CRISPLD2: variants seen among roughly 807,000 people sequenced by gnomAD.
The protein encoded by CRISPLD2 is cysteine-rich secretory protein LCCL domain-containing 2.
In CRISPLD2, 47 loss-of-function variants were observed where a neutral mutation model predicts 71.1. The ratio of observed to expected loss-of-function variants is 0.66; its 90% confidence interval spans 0.52 to 0.84. The LOEUF (loss-of-function observed/expected upper bound fraction) is 0.84, where lower values mean the gene tolerates loss of function less well. Ranked by LOEUF, CRISPLD2 falls within the 40% of genes least tolerant of loss-of-function variation. CRISPLD2 has a pLI of 0.00. For synonymous variants in CRISPLD2, 317 were observed against 250.1 expected (o/e 1.27, Z -2.52); for missense variants, 830 against 651.1 (o/e 1.27, Z -2.99).
At chr16:84,824,517 C>T (rs11859415) in intron 1 of CRISPLD2, among the ~76,000 whole-genome samples, 34,880 of 151,906 alleles carry the variant, frequency 0.23, 4,795 homozygotes, top group East Asian at 0.6. Flanking sequence ...TCTGTTCTTC[C>T]GGTCCTTCTG....
At chr16:84,897,001 C>T (rs1440214018) in intron 14 of CRISPLD2, among the ~76,000 whole-genome samples, 1 of 152,184 alleles carries the variant, frequency 6.6e-6, no homozygotes, top group African/African-American at 2.4e-5. Flanking sequence ...AAGGCAAGCT[C>T]TTCCTCCTCA....
chr16:84,882,365 A>AG (rs2071575902), intron 13 of CRISPLD2, among the ~76,000 whole-genome samples: 1 of 149,270 alleles, frequency 6.7e-6, no homozygotes, highest in African/African-American at 2.5e-5. Context: ...AAAAAAAAAA[A>AG]AAAAAAGCAA....
chr16:84,863,729 G>T (rs187641949), intron 6 of CRISPLD2, among the ~76,000 whole-genome samples: 3 of 152,138 alleles, frequency 2.0e-5, no homozygotes, highest in Non-Finnish European at 4.4e-5. Flanking sequence ...CAACACTTTG[G>T]GAGGCTGAGG....
chr16:84,871,870 GAAAA>G (rs56328159), intron 8 of CRISPLD2, among the ~76,000 whole-genome samples: 28,114 of 99,586 alleles, frequency 0.28, 4,918 homozygotes, highest in African/African-American at 0.38. Context: ...TTTCAAATGA[GAAAA>G]AAAAAAAAAA....
chr16:84,902,666 G>T (rs769649425), intron 14 of CRISPLD2, among the ~76,000 whole-genome samples: 16 of 151,822 alleles, frequency 1.1e-4, no homozygotes, highest in Non-Finnish European at 1.9e-4. Flanking sequence ...TTTCTTGTAG[G>T]ATTAAAGCAG....
intron 3 of CRISPLD2, among the ~76,000 whole-genome samples, chr16:84,847,200 C>G (rs1916937794): frequency 6.6e-6 from 1 of 152,172 alleles, no homozygotes; most frequent in Non-Finnish European, 1.5e-5. Context: ...GATTTCCTAG[C>G]TTGGGTTTCA....
intron 1 of CRISPLD2, among the ~76,000 whole-genome samples, chr16:84,822,321 T>G (rs748780912): frequency 1.1e-3 from 169 of 152,218 alleles, no homozygotes; most frequent in Non-Finnish European, 2.1e-3. Context: ...ACTTCATCCC[T>G]CAAAAGACCA....
intron 1 of CRISPLD2, among the ~76,000 whole-genome samples, chr16:84,833,184 G>A (rs1192157213): frequency 6.6e-6 from 1 of 152,190 alleles, no homozygotes; most frequent in Non-Finnish European, 1.5e-5. Context: ...AAAGCTCTGG[G>A]CAGCGCGGGA....
intron 6 of CRISPLD2, among the ~76,000 whole-genome samples, chr16:84,862,571 G>A (rs1917413772): frequency 6.6e-6 from 1 of 151,678 alleles, no homozygotes; most frequent in Admixed American, 6.6e-5. Context: ...GGTGCCTAAA[G>A]CGTTTCTCAT....
chr16:84,882,364 A>AG lies in CRISPLD2; in HGVS notation c.1305+1780_1305+1781insG, dbSNP rs1244651907. Reference sequence around the variant, plus strand: ...CAATAAAGCAAAAAAAAAAAAAAAAAAAAAAAAGCAAGAACTTAATGGATA... The same window carrying AG: ...CAATAAAGCAAAAAAAAAAAAAAAAAGAAAAAAAGCAAGAACTTAATGGATA... On this transcript the variant is annotated intron_variant, in intron 13 of 14. Transcript: ENST00000262424. Among the ~76,000 whole-genome samples, 116 of 146,106 alleles carry AG rather than the reference A, an allele frequency of 7.9e-4. 1 individual carries two copies. In the East Asian group the frequency reaches 0.018, roughly 22 times the overall value.
chr16:84,905,183 C>T (rs28787588), intron 14 of CRISPLD2, among the ~76,000 whole-genome samples: 15,927 of 152,044 alleles, frequency 0.1, 969 homozygotes, highest in African/African-American at 0.12. Flanking sequence ...GGGAGGATCG[C>T]TTGCACTCAG....
At chr16:84,900,699 G>A (rs2071746050) in intron 14 of CRISPLD2, among the ~76,000 whole-genome samples, 1 of 152,002 alleles carries the variant, frequency 6.6e-6, no homozygotes, top group African/African-American at 2.4e-5. Context: ...TCACTCTCAG[G>A]CACCCTCACA....
chr16:84,847,848 C>A (rs1279989724), intron 3 of CRISPLD2, among the ~76,000 whole-genome samples: 2 of 152,110 alleles, frequency 1.3e-5, no homozygotes, highest in Non-Finnish European at 2.9e-5. Context: ...CCTTTTCATA[C>A]AATATCAGGA....
intron 14 of CRISPLD2, among the ~76,000 whole-genome samples, chr16:84,891,266 C>T (rs972403648): frequency 6.6e-6 from 1 of 152,216 alleles, no homozygotes; most frequent in Non-Finnish European, 1.5e-5. Context: ...CCTGGACGCT[C>T]AGGCCTTCCT....
rs1238500742 is a variant in CRISPLD2, at chr16:84,908,732, A to C, written c.*2090A>C. ...GAGACCAAGTTTCACTCTGTTGCCC[A>C]AGGTAGAGTGCAGTGGCGTGATCTC... is the stretch of plus-strand genomic sequence containing the variant. On this transcript the variant is annotated 3_prime_UTR_variant, in exon 15 of 15. Coordinates refer to ENST00000262424, the MANE Select transcript of CRISPLD2 (RefSeq NM_031476.4). 1 of 133,448 alleles carries C rather than the reference A, an allele frequency of 7.5e-6. No homozygotes were observed. Among genetic ancestry groups the C allele is most frequent in the Non-Finnish European group, 1.5e-5 (1 of 65,050 alleles). The allele number at this position is 133,448 out of a possible 1,614,324, so 8.3% of individuals were successfully genotyped here. A position where few individuals can be genotyped will look rare whatever the true frequency, so the allele number is the denominator to read the frequency against.
At chr16:84,839,224 G>A (rs1221859827) in intron 2 of CRISPLD2, 3 of 328,534 alleles carry the variant, frequency 9.1e-6, no homozygotes, top group East Asian at 8.4e-5. Flanking sequence ...AACAACACAC[G>A]TGGGTTCCCT....
intron 14 of CRISPLD2, among the ~76,000 whole-genome samples, chr16:84,899,606 C>T (rs1314964229): frequency 1.3e-5 from 2 of 152,144 alleles, no homozygotes; most frequent in Admixed American, 1.3e-4. Flanking sequence ...TGCACGGTGG[C>T]ATCCTGGGCG....
intron 14 of CRISPLD2, among the ~76,000 whole-genome samples, chr16:84,889,937 G>A (rs1324909840): frequency 1.3e-5 from 2 of 152,146 alleles, no homozygotes; most frequent in African/African-American, 2.4e-5. Flanking sequence ...CCAGCTTTGT[G>A]ACCCCGAGTA....
intron 5 of CRISPLD2, 130 bp downstream of exon 5, chr16:84,850,813 G>A: frequency 1.4e-6 from 1 of 695,074 alleles, no homozygotes; most frequent in Non-Finnish European, 2.6e-6. Context: ...CTAGAGTTTA[G>A]TGCATCTGGG....
Sources: gnomAD v4.1 joint callset for allele counts (sites outside exome capture counted in the v4.1 genomes callset) on GRCh38, gnomAD v4.1.1 for gene constraint, MANE v1.5 for transcripts, NCBI Gene and HGNC (gene_info 2026-07-23, HGNC 2026-07-21) for gene names.